Variants in MTIF2 observed in about 807,000 individuals in gnomAD.
MTIF2 encodes translation initiation factor IF-2, mitochondrial.
Under a neutral mutation model 83.5 loss-of-function variants are expected in MTIF2, and 71 were observed. The ratio of observed to expected loss-of-function variants is 0.85; its 90% CI spans 0.70 to 1.04. The LOEUF (loss-of-function observed/expected upper bound fraction) is 1.04. MTIF2 is among the 50% of genes least tolerant of loss of function. The pLI, the probability that MTIF2 is intolerant of heterozygous loss-of-function variation, is 0.00. For missense variants in MTIF2, 957 were observed against 846.5 expected (o/e 1.13, Z -1.62); for synonymous variants, 319 against 287.1 (o/e 1.11, Z -1.12).
chr2:55,260,417 A>G (rs1333301353), intron 5 of MTIF2, among the ~76,000 whole-genome samples: 1 of 152,058 alleles, frequency 6.6e-6, no homozygotes, highest in Non-Finnish European at 1.5e-5. Flanking sequence ...AAAAAAAAAA[A>G]AAGCCAAACA....
rs536036933 is a variant in MTIF2, at chr2:55,237,649, CTTTTTTTT to C, written c.1871-229_1871-222del. Among the ~76,000 whole-genome samples, 11 of 112,992 alleles carry C rather than the reference CTTTTTTTT, an allele frequency of 9.7e-5. No homozygotes were observed. In the Admixed American group the frequency reaches 1.1e-3, roughly 11 times the overall value. 74.1% of individuals were successfully genotyped at this position (112,992 alleles called of 152,430 possible). ...GCTATTCTTTTCCTTTTCTTTTTTTCTTTTTTTTTTTTTTTTTTTGAGACAGAGTCTCA... is the reference window on the plus strand; with the variant it reads ...GCTATTCTTTTCCTTTTCTTTTTTTCTTTTTTTTTTTGAGACAGAGTCTCA... On this transcript the variant is annotated intron_variant, in intron 14 of 15. Transcript: ENST00000263629.
intron 5 of MTIF2, among the ~76,000 whole-genome samples, chr2:55,261,019 C>G (rs1454282314): frequency 6.6e-6 from 1 of 151,432 alleles, no homozygotes; most frequent in African/African-American, 2.4e-5. Context: ...TGGAGTCTCG[C>G]TCTGTCGTCC....
chr2:55,254,901 A>G, intron 5 of MTIF2, 76 bp from the exon 6 acceptor site: 1 of 841,220 alleles, frequency 1.2e-6, no homozygotes, highest in Non-Finnish European at 1.7e-6. Context: ...ATAAATGTCT[A>G]TATAAACAGT....
chr2:55,246,414 T>A lies in MTIF2; in HGVS notation c.1029A>T (p.Glu343Asp). The change falls in exon 10 of 16, where the codon GAA becomes GAT. Residue 343 changes from glutamate (E) to aspartate (D), a missense_variant. Transcript: ENST00000263629. ...ALAEATVALA[E>D]MLELKADPNG... ...TGGGATCTGCTTTCAATTCTAACAT[T>A]TCTGCAAGAGCAACTGTTGCTTCTG... 1 of 1,613,904 alleles carries A rather than the reference T, an allele frequency of 6.2e-7. No individual in the cohort carries two copies. The highest frequency in any genetic ancestry group is 8.5e-7 in the Non-Finnish European group (1 of 1,179,844).
In MTIF2 at chr2:55,252,477, C is replaced by G; in HGVS notation, c.841G>C (p.Val281Leu). Residue 281 changes from valine (V) to leucine (L), a missense_variant and splice_region_variant, in exon 8 of 16, where the codon GTT becomes CTT. This residue lies in a region of MTIF2 where 733 missense variants were observed against 648.7 expected (regional missense o/e 1.13). Transcript: ENST00000263629. ...ESIQHAKDAQ[V>L]PIILAVNKCD... ...ATCCATTAAGTCAGCCACACAGTACCCTGTGCATCTTTGGCATGCTGAATA... is the reference window on the plus strand; with the variant it reads ...ATCCATTAAGTCAGCCACACAGTACGCTGTGCATCTTTGGCATGCTGAATA... 6.2e-7 allele frequency: 1 copy of G among 1,613,580 alleles called. No individual in the cohort carries two copies. The highest frequency in any genetic ancestry group is 2.2e-5 in the East Asian group (1 of 44,866).
chr2:55,237,356 ACT>A lies in MTIF2; in HGVS notation c.1941_1942del (p.Arg647SerfsTer13). 6.2e-7 allele frequency: 1 copy of A among 1,612,858 alleles called. No homozygotes were observed. Among genetic ancestry groups the A allele is most frequent in the Non-Finnish European group, 8.5e-7 (1 of 1,179,892 alleles). On this transcript the variant is annotated frameshift_variant, in exon 15 of 16. Transcript: ENST00000263629. LOFTEE classifies it high-confidence loss of function. ...TTGTTTTTCTAACTGTCCCTTTTGG[ACT>A]CTGCAGCCAGCCACAGGAACTTTTT... is the stretch of plus-strand genomic sequence containing the variant.
intron 5 of MTIF2, among the ~76,000 whole-genome samples, chr2:55,256,324 AC>A (rs1677529522): frequency 1.4e-5 from 2 of 147,746 alleles, no homozygotes; most frequent in African/African-American, 5.2e-5. Context: ...ACACACACAC[AC>A]ACAATATATA....
chr2:55,241,372 T>G (rs926516461), intron 13 of MTIF2, among the ~76,000 whole-genome samples: 3 of 144,600 alleles, frequency 2.1e-5, no homozygotes, highest in African/African-American at 7.8e-5. Flanking sequence ...GAGCCAAGAT[T>G]ACGCCACTGC....
At chr2:55,268,789 A>C (rs1678621526) in intron 1 of MTIF2, 50 bp from the exon 2 acceptor site, 1 of 152,220 alleles carries the variant, frequency 6.6e-6, no homozygotes, top group Non-Finnish European at 1.5e-5. Flanking sequence ...AAAACGTCTG[A>C]ATGTGAGCTG....
chr2:55,237,647 T>TC (rs1675967609), intron 14 of MTIF2, among the ~76,000 whole-genome samples: 1 of 87,994 alleles, frequency 1.1e-5, no homozygotes, highest in African/African-American at 4.3e-5. Flanking sequence ...TTTTCTTTTT[T>TC]TCTTTTTTTT....
chr2:55,245,932 A>G (rs1443051168), intron 10 of MTIF2, among the ~76,000 whole-genome samples: 2 of 152,174 alleles, frequency 1.3e-5, no homozygotes, highest in African/African-American at 4.8e-5. Flanking sequence ...ATTCAAGCAC[A>G]CCACTTCAAA....
intron 5 of MTIF2, among the ~76,000 whole-genome samples, chr2:55,261,472 T>C (rs1324859023): frequency 8.7e-5 from 13 of 149,804 alleles, no homozygotes; most frequent in African/African-American, 2.9e-4. Flanking sequence ...CCGGGCGTGG[T>C]TGTGGGCACC....
rs79151522 is a variant in MTIF2, at chr2:55,257,612, T to C, written c.332-2787A>G. 2.6e-5 allele frequency among the ~76,000 whole-genome samples: 4 copies of C among 152,300 alleles called. No homozygotes were observed. In the East Asian group the frequency reaches 7.7e-4, roughly 29 times the overall value. On this transcript the variant is annotated intron_variant, in intron 5 of 15. Transcript: ENST00000263629. Reference sequence around the variant, plus strand: ...AAAATAAATCTCTAATTTACAGTATTCTCCAATTTCCATGGTGCAAATATG... The same window carrying C: ...AAAATAAATCTCTAATTTACAGTATCCTCCAATTTCCATGGTGCAAATATG...
intron 3 of MTIF2, among the ~76,000 whole-genome samples, chr2:55,264,827 C>T (rs915332231): frequency 2.0e-5 from 3 of 152,108 alleles, no homozygotes; most frequent in African/African-American, 7.2e-5. Flanking sequence ...TGTAACAGAA[C>T]TCATTAGTAA....
intron 8 of MTIF2, 109 bp from the exon 9 acceptor site, chr2:55,249,643 T>C: frequency 7.4e-7 from 1 of 1,351,202 alleles, no homozygotes. Context: ...ATTCAGTGGA[T>C]GTTTTTATCT....
chr2:55,259,170 A>G (rs1048744164), intron 5 of MTIF2, among the ~76,000 whole-genome samples: 1 of 152,220 alleles, frequency 6.6e-6, no homozygotes, highest in East Asian at 1.9e-4. Flanking sequence ...ATAAATATTT[A>G]CATGTAGAAA....
rs1180355423 is a variant in MTIF2 at position 55,237,355 on chromosome 2, G to A, written c.1944C>T (p.Val648=). 4 of 1,612,706 alleles carry A rather than the reference G, an allele frequency of 2.5e-6. No individual in the cohort carries two copies. Among genetic ancestry groups the A allele is most frequent in the Non-Finnish European group, 3.4e-6 (4 of 1,179,862 alleles). The change falls in exon 15 of 16, where the codon GTC becomes GTT. Residue 648 remains valine, a synonymous_variant. Coordinates refer to ENST00000263629, the MANE Select transcript of MTIF2 (RefSeq NM_002453.3). Reference sequence around the variant, plus strand: ...TTTGTTTTTCTAACTGTCCCTTTTGGACTCTGCAGCCAGCCACAGGAACTT... The same window carrying A: ...TTTGTTTTTCTAACTGTCCCTTTTGAACTCTGCAGCCAGCCACAGGAACTT... The part of the protein sequence containing the change: ...KKKVPVAGCR[V]QKGQLEKQKK...
intron 5 of MTIF2, 45 bp from the exon 6 acceptor site, chr2:55,254,870 C>A: frequency 1.6e-6 from 2 of 1,227,264 alleles, no homozygotes; most frequent in Non-Finnish European, 2.2e-6. Flanking sequence ...TAATTAAATG[C>A]TCAAGAAGTA....
chr2:55,255,338 C>G (rs1677426324), intron 5 of MTIF2, among the ~76,000 whole-genome samples: 1 of 148,518 alleles, frequency 6.7e-6, no homozygotes, highest in Non-Finnish European at 1.5e-5. Flanking sequence ...CTGATCAACA[C>G]ATAATTTTGT....
Sources: allele counts gnomAD v4.1 joint callset (sites outside exome capture counted in the v4.1 genomes callset), GRCh38; gene constraint gnomAD v4.1.1; regional missense constraint gnomAD v4.1.1; transcripts MANE v1.5; gene names NCBI Gene and HGNC (gene_info 2026-07-23, HGNC 2026-07-21).